NR6A1: variants seen among roughly 807,000 people sequenced by gnomAD.
NR6A1 encodes nuclear receptor subfamily 6 group A member 1, also known as retinoic acid receptor-related testis-associated receptor.
A neutral mutation model predicts 59.1 loss-of-function variants in NR6A1; 7 were observed. The ratio of observed to expected loss-of-function variants is 0.12; its 90% CI spans 0.07 to 0.22. The LOEUF is 0.22. NR6A1 is among the 10% of genes least tolerant of loss of function. NR6A1 has a pLI of 1.00. For synonymous variants in NR6A1, 243 were observed against 236.1 expected (o/e 1.03, Z -0.27); for missense variants, 468 against 611.6 (o/e 0.77, Z 2.48).
intron 1 of NR6A1, 117 bp from the exon 2 acceptor site, chr9:124,733,466 T>G (rs902377944): frequency 5.2e-6 from 4 of 770,674 alleles, no homozygotes; most frequent in Non-Finnish European, 9.1e-6. Context: ...AATTTGGGTT[T>G]CAATCCTAGC....
At chr9:124,595,798 T>C in intron 2 of NR6A1, 1 of 1,289,804 alleles carries the variant, frequency 7.8e-7, no homozygotes, top group Non-Finnish European at 1.0e-6. Context: ...AAAAGTTCTA[T>C]TGCAGCCATG....
intron 1 of NR6A1, among the ~76,000 whole-genome samples, chr9:124,767,683 G>C (rs192625659): frequency 2.0e-5 from 3 of 152,100 alleles, no homozygotes; most frequent in Admixed American, 2.0e-4. Context: ...AATCATCATG[G>C]GAAATATTTG....
At chr9:124,765,709 GT>G (rs1254599632) in intron 1 of NR6A1, among the ~76,000 whole-genome samples, 2 of 152,080 alleles carry the variant, frequency 1.3e-5, no homozygotes, top group African/African-American at 4.8e-5. Flanking sequence ...GAATTACCGG[GT>G]TACACTAGTA....
chr9:124,554,303 C>T (rs747417544), intron 3 of NR6A1, 25 bp downstream of exon 3: 2 of 1,613,864 alleles, frequency 1.2e-6, no homozygotes, highest in Non-Finnish European at 1.7e-6. Flanking sequence ...AAGGATGGGC[C>T]ATCAGAGCCA....
chr9:124,543,327 A>T (rs1223134219), intron 4 of NR6A1, among the ~76,000 whole-genome samples: 1 of 152,098 alleles, frequency 6.6e-6, no homozygotes, highest in Non-Finnish European at 1.5e-5. Context: ...CTCCCATTAG[A>T]CTGAGTTCAC....
At chr9:124,744,783 T>C (rs146625785) in intron 1 of NR6A1, among the ~76,000 whole-genome samples, 7 of 152,368 alleles carry the variant, frequency 4.6e-5, no homozygotes, top group South Asian at 4.1e-4. Flanking sequence ...TGTTTGAACA[T>C]GGTCAGAGAG....
At chr9:124,530,359 C>T (rs962022340) in intron 7 of NR6A1, among the ~76,000 whole-genome samples, 2 of 152,228 alleles carry the variant, frequency 1.3e-5, no homozygotes, top group Non-Finnish European at 2.9e-5. Context: ...CATCCCACCC[C>T]TTGATAAACA....
intron 2 of NR6A1, among the ~76,000 whole-genome samples, chr9:124,594,460 C>T (rs571436556): frequency 1.3e-5 from 2 of 152,306 alleles, no homozygotes; most frequent in African/African-American, 4.8e-5. Context: ...CATGTAATTA[C>T]TGCTCTGGGA....
intron 2 of NR6A1, among the ~76,000 whole-genome samples, chr9:124,700,885 T>C (rs970058967): frequency 6.6e-6 from 1 of 151,298 alleles, no homozygotes; most frequent in African/African-American, 2.4e-5. Flanking sequence ...GTCAGCCTCC[T>C]GAGTAGCAAG....
chr9:124,769,286 C>A (rs186234268), intron 1 of NR6A1, among the ~76,000 whole-genome samples: 16 of 150,846 alleles, frequency 1.1e-4, no homozygotes, highest in Non-Finnish European at 1.6e-4. Context: ...GAAAACACAT[C>A]ATTATTTTTA....
In NR6A1 at chr9:124,599,968, G is replaced by A. The variant is rs567806395; in HGVS notation, c.143-45398C>T. Among the ~76,000 whole-genome samples the A allele has an allele frequency of 6.0e-4, 91 of 152,252 alleles. 1 individual carries two copies. The South Asian group carries it at 0.018, about 31-fold the overall frequency. On this transcript the variant is annotated intron_variant, in intron 2 of 9. Coordinates refer to ENST00000487099, the MANE Select transcript of NR6A1 (RefSeq NM_033334.4). ...ATGACTGCAGATTTTGAGGCTGAAGGGGTAAGTTTAGTTCTTCAGTGTAAA... is the reference window on the plus strand; with the variant it reads ...ATGACTGCAGATTTTGAGGCTGAAGAGGTAAGTTTAGTTCTTCAGTGTAAA...
At chr9:124,575,649 C>T (rs576193018) in intron 2 of NR6A1, among the ~76,000 whole-genome samples, 131 of 152,244 alleles carry the variant, frequency 8.6e-4, no homozygotes, top group Middle Eastern at 3.4e-3. Context: ...ATCTACATGT[C>T]TTAGTCTATA....
chr9:124,617,911 C>A (rs190366957), intron 2 of NR6A1, among the ~76,000 whole-genome samples: 9 of 152,306 alleles, frequency 5.9e-5, no homozygotes, highest in African/African-American at 1.9e-4. Context: ...AAAAAAGTCA[C>A]CTCCTCTTAA....
chr9:124,640,936 C>CT (rs1468121908), intron 2 of NR6A1, among the ~76,000 whole-genome samples: 1 of 152,168 alleles, frequency 6.6e-6, no homozygotes, highest in Non-Finnish European at 1.5e-5. Flanking sequence ...ACAGCAGTCC[C>CT]TATAGACAAG....
At chr9:124,660,802 C>G (rs949691015) in intron 2 of NR6A1, among the ~76,000 whole-genome samples, 1 of 152,112 alleles carries the variant, frequency 6.6e-6, no homozygotes, top group African/African-American at 2.4e-5. Context: ...CAGGGAACTT[C>G]ATTCAATGCC....
chr9:124,617,395 C>T (rs1835928940), intron 2 of NR6A1, among the ~76,000 whole-genome samples: 1 of 152,184 alleles, frequency 6.6e-6, no homozygotes. Flanking sequence ...TCAATTTCAG[C>T]AGCTGTAAGC....
At chr9:124,694,856 C>G (rs775293674) in intron 2 of NR6A1, among the ~76,000 whole-genome samples, 2 of 152,038 alleles carry the variant, frequency 1.3e-5, no homozygotes, top group Admixed American at 1.3e-4. Flanking sequence ...AGACAAGAAC[C>G]AGAAAGAGAA....
At chr9:124,656,539 AACAG>A (rs1179278604) in intron 2 of NR6A1, among the ~76,000 whole-genome samples, 1 of 152,162 alleles carries the variant, frequency 6.6e-6, no homozygotes, top group African/African-American at 2.4e-5. Flanking sequence ...TCAAAAAGCA[AACAG>A]ACAGAGGCTA....
At chr9:124,651,785 T>C (rs1837111820) in intron 2 of NR6A1, among the ~76,000 whole-genome samples, 1 of 152,218 alleles carries the variant, frequency 6.6e-6, no homozygotes, top group African/African-American at 2.4e-5. Flanking sequence ...TAGTCTCTTT[T>C]GCAAAGAAAA....
Sources: allele counts gnomAD v4.1 joint callset (sites outside exome capture counted in the v4.1 genomes callset), GRCh38; gene constraint gnomAD v4.1.1; transcripts MANE v1.5; gene names NCBI Gene and HGNC (gene_info 2026-07-23, HGNC 2026-07-21).